The following CDK14 variants were observed in gnomAD, a reference collection of about 807,000 sequenced individuals.
CDK14 encodes the protein cyclin-dependent kinase 14.
In CDK14, 34 loss-of-function variants were observed where a neutral mutation model predicts 60.7. The observed-to-expected ratio is 0.56, with a 90% CI of 0.43 to 0.75. The LOEUF is 0.75. CDK14 is among the 30% of genes least tolerant of loss of function. The probability of loss-of-function intolerance (pLI) is 0.00; values close to 1 mark genes in which losing one functional copy is unlikely to be tolerated. For synonymous variants in CDK14, 197 were observed against 203.7 expected, an observed-to-expected ratio of 0.97 and a Z score of 0.28; for missense variants, 482 against 564.1, an observed-to-expected ratio of 0.85 and a Z score of 1.47.
chr7:91,082,108 A>G (rs1416407608), intron 12 of CDK14, among the ~76,000 whole-genome samples: 1 of 152,208 alleles, frequency 6.6e-6, no homozygotes, highest in Non-Finnish European at 1.5e-5. Context: ...CTCTCTATTT[A>G]TAGTTGTCTG....
At chr7:90,942,053 A>G (rs969861994) in intron 8 of CDK14, among the ~76,000 whole-genome samples, 10 of 152,198 alleles carry the variant, frequency 6.6e-5, no homozygotes, top group Admixed American at 2.0e-4. Context: ...GGGGATGGGC[A>G]GGGCAGAGCA....
chr7:90,980,993 C>T (rs1267979036), intron 9 of CDK14, among the ~76,000 whole-genome samples: 1 of 152,126 alleles, frequency 6.6e-6, no homozygotes, highest in Non-Finnish European at 1.5e-5. Context: ...ATGGGGGTGG[C>T]TATGGCTTCT....
chr7:90,632,352 C>T (rs1800021238), intron 2 of CDK14: 1 of 319,982 alleles, frequency 3.1e-6, no homozygotes, highest in Non-Finnish European at 6.5e-6. Flanking sequence ...GATTTATTGC[C>T]TGTTCAGTGC....
At chr7:91,057,974 T>C (rs1383284693) in intron 11 of CDK14, among the ~76,000 whole-genome samples, 2 of 152,082 alleles carry the variant, frequency 1.3e-5, no homozygotes, top group East Asian at 1.9e-4. Flanking sequence ...GGGATGGCAT[T>C]GAATCTATAA....
chr7:90,617,162 G>T (rs1799668408), intron 2 of CDK14, among the ~76,000 whole-genome samples: 1 of 151,824 alleles, frequency 6.6e-6, no homozygotes, highest in Admixed American at 6.6e-5. Context: ...AAGATTATAA[G>T]TATCCTCTCC....
At position 91,200,970 on chromosome 7, in the gene CDK14, T is replaced by TTA. The variant is rs1342153295; in HGVS notation, c.*29-6192_*29-6191dup. On this transcript the variant is annotated intron_variant, in intron 14 of 14. Transcript: ENST00000380050. ...TTCATTCTAGCATTATGGAAACTCA[T>TTA]TATACATCCACTAAATTTGGCACAA... is the stretch of plus-strand genomic sequence containing the variant. Among the ~76,000 whole-genome samples the TTA allele has an allele frequency of 1.4e-4, 22 of 152,322 alleles. No homozygotes were observed. The East Asian group carries it at 3.1e-3, about 21-fold the overall frequency.
chr7:91,089,400 T>G (rs1172308612), intron 12 of CDK14, among the ~76,000 whole-genome samples: 1 of 152,140 alleles, frequency 6.6e-6, no homozygotes, highest in Non-Finnish European at 1.5e-5. Flanking sequence ...GTTGATTGCT[T>G]CTCATCTTGA....
intron 8 of CDK14, among the ~76,000 whole-genome samples, chr7:90,926,351 C>T (rs17163356): frequency 0.073 from 11,156 of 152,194 alleles, 475 homozygotes; most frequent in East Asian, 0.18. Flanking sequence ...AAGAATGCTT[C>T]TCACAGTAGA....
At chr7:91,174,392 C>G (rs1486810035) in intron 14 of CDK14, among the ~76,000 whole-genome samples, 4 of 149,884 alleles carry the variant, frequency 2.7e-5, no homozygotes, top group Non-Finnish European at 6.0e-5. Flanking sequence ...CTCTAAAACG[C>G]AGAGCGCCTC....
chr7:90,829,915 C>T (rs945053264), intron 5 of CDK14, among the ~76,000 whole-genome samples: 1 of 152,244 alleles, frequency 6.6e-6, no homozygotes, highest in African/African-American at 2.4e-5. Flanking sequence ...GTGTGGGCTC[C>T]TAAGGCCTTG....
At chr7:90,704,496 A>T (rs1006390426) in intron 2 of CDK14, among the ~76,000 whole-genome samples, 1 of 152,070 alleles carries the variant, frequency 6.6e-6, no homozygotes, top group Non-Finnish European at 1.5e-5. Context: ...AGTGTTCTGG[A>T]TGTGTAGGTT....
intron 5 of CDK14, among the ~76,000 whole-genome samples, chr7:90,815,531 C>T (rs967819035): frequency 7.9e-5 from 12 of 152,070 alleles, no homozygotes; most frequent in Non-Finnish European, 1.6e-4. Flanking sequence ...GACCTAGAAC[C>T]GGAAATAACA....
chr7:90,793,481 T>G (rs1186746397), intron 5 of CDK14, among the ~76,000 whole-genome samples: 1 of 152,096 alleles, frequency 6.6e-6, no homozygotes. Context: ...AGAAAAACAG[T>G]AAAGAGTAGA....
intron 7 of CDK14, among the ~76,000 whole-genome samples, chr7:90,900,219 ATT>A (rs3839831): frequency 0.41 from 62,397 of 151,780 alleles, 13,284 homozygotes; most frequent in East Asian, 0.66. Context: ...ACACTGTATA[ATT>A]TTAAAATGTA....
chr7:91,072,860 T>C, intron 11 of CDK14, among the ~76,000 whole-genome samples: 1 of 151,890 alleles, frequency 6.6e-6, no homozygotes, highest in East Asian at 1.9e-4. Flanking sequence ...GCATGAGACC[T>C]TCGTGAAGCA....
chr7:90,854,557 A>G (rs35323941), intron 5 of CDK14, among the ~76,000 whole-genome samples: 46,292 of 151,924 alleles, frequency 0.3, 7,289 homozygotes, highest in African/African-American at 0.32. Flanking sequence ...AAATATACGT[A>G]AATACAAATC....
At chr7:90,640,867 C>A (rs996974989) in intron 2 of CDK14, among the ~76,000 whole-genome samples, 1 of 151,968 alleles carries the variant, frequency 6.6e-6, no homozygotes, top group African/African-American at 2.4e-5. Flanking sequence ...GGACTGGTAT[C>A]CCAGAATATA....
intron 5 of CDK14, among the ~76,000 whole-genome samples, chr7:90,824,399 A>G (rs1017648967): frequency 8.5e-5 from 13 of 152,120 alleles, no homozygotes; most frequent in African/African-American, 3.1e-4. Flanking sequence ...GCATCAACCT[A>G]AGAGTGAACA....
chr7:90,692,080 A>G (rs980086689), intron 2 of CDK14, among the ~76,000 whole-genome samples: 4 of 152,194 alleles, frequency 2.6e-5, no homozygotes, highest in Non-Finnish European at 4.4e-5. Context: ...ATAAAGGAAA[A>G]TGAAATATGG....
Sources: allele counts gnomAD v4.1 joint callset (sites outside exome capture counted in the v4.1 genomes callset), GRCh38; gene constraint gnomAD v4.1.1; transcripts MANE v1.5; gene names NCBI Gene and HGNC (gene_info 2026-07-23, HGNC 2026-07-21).